Variants in IFT140 observed in about 807,000 individuals in gnomAD.
IFT140 encodes the protein intraflagellar transport 140, also known as intraflagellar transport protein 140 homolog.
Under a neutral mutation model 164.6 loss-of-function variants are expected in IFT140, and 133 were observed. The ratio of observed to expected loss-of-function variants is 0.81; its 90% confidence interval spans 0.70 to 0.93. The LOEUF is 0.93. Ranked by LOEUF, IFT140 falls within the 40% of genes least tolerant of loss-of-function variation. IFT140 has a pLI of 0.00. For missense variants in IFT140, 2,045 were observed against 1,972.3 expected, an observed-to-expected ratio of 1.04 and a Z score of -0.70; for synonymous variants, 860 against 817.3, an observed-to-expected ratio of 1.05 and a Z score of -0.89.
intron 7 of IFT140, 125 bp downstream of exon 7, chr16:1,589,480 G>A (rs1055159754): frequency 7.9e-6 from 7 of 885,404 alleles, no homozygotes; most frequent in South Asian, 3.3e-5. Flanking sequence ...TACGTTAGCC[G>A]CCCTAACTCA....
Position 1,523,845 on chromosome 16 carries a change from C to T in IFT140, c.3253G>A (p.Val1085Ile), listed in dbSNP as rs758673823. Residue 1085 changes from valine (V) to isoleucine (I), a missense_variant, in exon 25 of 31, where the codon GTC becomes ATC. Coordinates refer to ENST00000426508, the MANE Select transcript of IFT140 (RefSeq NM_014714.4). Reference protein sequence around the residue: ...EEKGVQMDRAVMLYHKAGHFS... With the variant: ...EEKGVQMDRAIMLYHKAGHFS... ...GCCCTCACCTTGTGGTACAGCATGA[C>T]CGCCCTGTCCATCTGCACGCCCTTC... The T allele has an allele frequency of 1.2e-6, 2 of 1,613,112 alleles. No individual in the cohort carries two copies. The highest frequency in any genetic ancestry group is 1.7e-6 in the Non-Finnish European group (2 of 1,179,998).
intron 29 of IFT140, 47 bp from the exon 30 acceptor site, chr16:1,518,404 T>G: frequency 1.9e-6 from 3 of 1,578,244 alleles, no homozygotes; most frequent in Non-Finnish European, 2.6e-6. Context: ...CCTGAACACC[T>G]ACTGCTATCA....
Position 1,602,444 on chromosome 16 carries a change from G to T in IFT140, c.295C>A (p.Pro99Thr), listed in dbSNP as rs763291595. 9.3e-6 allele frequency: 15 copies of T among 1,614,108 alleles called. No individual in the cohort carries two copies. Among genetic ancestry groups the T allele is most frequent in the Non-Finnish European group, 1.3e-5 (15 of 1,180,050 alleles). The change falls in exon 4 of 31, where the codon CCC (proline) becomes ACC (threonine). Residue 99 changes from proline to threonine, a missense_variant. By Grantham distance (38) the Pro-to-Thr change is conservative. Coordinates refer to ENST00000426508, the MANE Select transcript of IFT140 (RefSeq NM_014714.4). Reference protein sequence around the residue: ...NKQDKEQHTMPLTHTADITVL... With the variant: ...NKQDKEQHTMTLTHTADITVL... ...GTGATGTCGGCTGTGTGTGTCAGGG[G>T]CATCGTGTGCTGCTCCTTGTCCTGC...
intron 3 of IFT140, among the ~76,000 whole-genome samples, chr16:1,605,044 G>A (rs1396869215): frequency 1.3e-5 from 2 of 152,126 alleles, no homozygotes; most frequent in Non-Finnish European, 2.9e-5. Flanking sequence ...ACAGCTCAGA[G>A]GGAACTTCTA....
intron 2 of IFT140, chr16:1,610,198 C>T (rs528836732): frequency 1.9e-5 from 3 of 155,108 alleles, no homozygotes; most frequent in African/African-American, 7.2e-5. Context: ...AGTCCAGAGC[C>T]TTCGGCCTGC....
At chr16:1,562,879 G>A (rs914810873) in intron 17 of IFT140, among the ~76,000 whole-genome samples, 2 of 152,222 alleles carry the variant, frequency 1.3e-5, no homozygotes, top group Non-Finnish European at 2.9e-5. Flanking sequence ...ATGCTCTGTG[G>A]GTCCATTGCA....
chr16:1,593,863 C>G (rs2035317007), intron 4 of IFT140, among the ~76,000 whole-genome samples: 1 of 152,140 alleles, frequency 6.6e-6, no homozygotes, highest in South Asian at 2.1e-4. Flanking sequence ...CCGTACTGTT[C>G]AGAAAGAAGT....
chr16:1,609,167 T>G (rs571929196), intron 2 of IFT140, among the ~76,000 whole-genome samples: 35 of 148,946 alleles, frequency 2.3e-4, no homozygotes, highest in South Asian at 4.3e-4. Flanking sequence ...AAAAAGGGGG[T>G]TTTAACATGT....
Position 1,546,226 on chromosome 16 carries a change from C to G in IFT140, c.2399+11709G>C, listed in dbSNP as rs368167142. On this transcript the variant is annotated intron_variant, in intron 19 of 30. Transcript: ENST00000426508. ...GGCTGCAGCCACAGCATGACCCTGG[C>G]ACCTGACGCCTGAGTGGCACAAGGC... Among the ~76,000 whole-genome samples, 31 of 152,348 alleles carry G rather than the reference C, an allele frequency of 2.0e-4. No homozygotes were observed. The East Asian group carries it at 5.0e-3, about 25-fold the overall frequency.
chr16:1,547,459 TTC>T (rs2032268852), intron 19 of IFT140, among the ~76,000 whole-genome samples: 1 of 152,234 alleles, frequency 6.6e-6, no homozygotes, highest in Non-Finnish European at 1.5e-5. Flanking sequence ...AAGTCTGCTG[TTC>T]TCTTAGACTT....
intron 19 of IFT140, among the ~76,000 whole-genome samples, chr16:1,541,679 C>T (rs1192318897): frequency 1.3e-5 from 2 of 152,178 alleles, no homozygotes; most frequent in Admixed American, 1.3e-4. Flanking sequence ...AGGGATACGA[C>T]CACTGCAGCC....
intron 4 of IFT140, among the ~76,000 whole-genome samples, chr16:1,593,938 T>C (rs1465807337): frequency 1.3e-5 from 2 of 152,312 alleles, no homozygotes; most frequent in Admixed American, 1.3e-4. Flanking sequence ...GGAGCATCCA[T>C]GTAAACCACC....
rs1244933998 is a variant in IFT140 at position 1,553,315 on chromosome 16, T to C, written c.2399+4620A>G. The stretch of plus-strand genomic sequence containing the variant: ...GCCTGTCTCTCTGTGTCTCTGTCTC[T>C]GTGTCTCTGTCCCTGTGTCTCTTTT... On this transcript the variant is annotated intron_variant, in intron 19 of 30. Coordinates refer to ENST00000426508, the MANE Select transcript of IFT140 (RefSeq NM_014714.4). The surrounding 1 kb of genome is among the most constrained non-coding windows in gnomAD (Gnocchi z 4.4). 7.1e-6 allele frequency: 7 copies of C among 984,850 alleles called. No individual in the cohort carries two copies. Among genetic ancestry groups the C allele is most frequent in the Non-Finnish European group, 8.4e-6 (7 of 829,514 alleles). 61.0% of individuals were successfully genotyped at this position (984,850 alleles called of 1,614,324 possible).
intron 4 of IFT140, among the ~76,000 whole-genome samples, chr16:1,597,532 T>C (rs2035526471): frequency 6.6e-6 from 1 of 152,194 alleles, no homozygotes; most frequent in Non-Finnish European, 1.5e-5. Flanking sequence ...ACAGGGTCTC[T>C]GGTGGAAGAG....
In IFT140 at chr16:1,541,768, G is replaced by A. The variant is rs934829919; in HGVS notation, c.2400-14972C>T. Among the ~76,000 whole-genome samples the A allele has an allele frequency of 2.6e-4, 39 of 152,196 alleles. 1 individual carries two copies. The highest frequency in any genetic ancestry group is 4.3e-4 in the Non-Finnish European group (29 of 68,032). On this transcript the variant is annotated intron_variant, in intron 19 of 30. Transcript: ENST00000426508. ...CTTGCAGGCAGGTGAGGGGGAGGGC[G>A]TGATGCTTCCCGAAGCCACTGCCCA...
At chr16:1,582,129 C>T (rs2034605723) in intron 12 of IFT140, among the ~76,000 whole-genome samples, 1 of 152,096 alleles carries the variant, frequency 6.6e-6, no homozygotes, top group Non-Finnish European at 1.5e-5. Context: ...GTGGCGGGGC[C>T]ACTGCAATGG....
intron 4 of IFT140, among the ~76,000 whole-genome samples, chr16:1,593,785 C>G (rs1330853876): frequency 1.3e-5 from 2 of 152,142 alleles, no homozygotes; most frequent in Non-Finnish European, 2.9e-5. Flanking sequence ...ACCTCGACCA[C>G]CTGGTGGAGG....
Position 1,584,269 on chromosome 16 carries a change from A to T in IFT140, c.1307T>A (p.Val436Asp). The change falls in exon 11 of 31, where the codon GTC becomes GAC. Residue 436 changes from valine to aspartate, a missense_variant. By Grantham distance (152) the Val-to-Asp change is radical (BLOSUM62 -3). Transcript: ENST00000426508. Reference protein sequence around the residue: ...LLNVCFLSTGVAHSLRTDMHI... With the variant: ...LLNVCFLSTGDAHSLRTDMHI... ...CATGTCGGTGCGCAGGCTGTGTGCG[A>T]CCCCCGTGGACAGGAAGCACACATT... is the stretch of plus-strand genomic sequence containing the variant. The T allele has an allele frequency of 6.2e-7, 1 of 1,613,348 alleles. No individual in the cohort carries two copies. The highest frequency in any genetic ancestry group is 8.5e-7 in the Non-Finnish European group (1 of 1,179,930).
In IFT140 at chr16:1,544,718, G is replaced by A. The variant is rs191374597; in HGVS notation, c.2399+13217C>T. Among the ~76,000 whole-genome samples, 51 of 151,448 alleles carry A rather than the reference G, an allele frequency of 3.4e-4. 1 individual carries two copies. The East Asian group carries it at 9.0e-3, about 27-fold the overall frequency. On this transcript the variant is annotated intron_variant, in intron 19 of 30. Transcript: ENST00000426508. ...GGCTGGAGTGCAGTGGCGCGATCTC[G>A]GCTCACTGCAAGCTCCGCCTCCCGG...
Sources: gnomAD v4.1 joint callset for allele counts (sites outside exome capture counted in the v4.1 genomes callset) on GRCh38, gnomAD v4.1.1 for gene constraint, Gnocchi (gnomAD v3.1) non-coding constraint, MANE v1.5 for transcripts, NCBI Gene and HGNC (gene_info 2026-07-23, HGNC 2026-07-21) for gene names.